The following ALCAM variants were observed in gnomAD, a reference collection of about 807,000 sequenced individuals.
ALCAM encodes activated leukocyte cell adhesion molecule.
Under a neutral mutation model 70.9 loss-of-function variants are expected in ALCAM, and 30 were observed. The ratio of observed to expected loss-of-function variants is 0.42; its 90% CI spans 0.32 to 0.57. The LOEUF (loss-of-function observed/expected upper bound fraction) is 0.57, where lower values mean the gene tolerates loss of function less well. ALCAM is among the 20% of genes least tolerant of loss of function. The probability of loss-of-function intolerance (pLI) is 0.11; values close to 1 mark genes in which losing one functional copy is unlikely to be tolerated. For missense variants in ALCAM, 591 were observed against 695.1 expected (o/e 0.85, Z 1.68); for synonymous variants, 249 against 242.5 (o/e 1.03, Z -0.25).
At chr3:105,458,731 G>A (rs1937565611) in intron 1 of ALCAM, among the ~76,000 whole-genome samples, 1 of 152,134 alleles carries the variant, frequency 6.6e-6, no homozygotes, top group Non-Finnish European at 1.5e-5. Context: ...TGCCTTGAGA[G>A]CTCTTCTACC....
chr3:105,548,412 C>A (rs1331486860), intron 11 of ALCAM, among the ~76,000 whole-genome samples: 1 of 151,380 alleles, frequency 6.6e-6, no homozygotes, highest in Non-Finnish European at 1.5e-5. Context: ...TTATTTAAAT[C>A]TTCTGTACTT....
chr3:105,409,651 C>T (rs1288960923), intron 1 of ALCAM, among the ~76,000 whole-genome samples: 1 of 151,874 alleles, frequency 6.6e-6, no homozygotes, highest in African/African-American at 2.4e-5. Flanking sequence ...GAAATCACCA[C>T]TGAACAACTT....
chr3:105,553,528 G>T (rs1031209692), intron 14 of ALCAM, among the ~76,000 whole-genome samples: 2 of 151,730 alleles, frequency 1.3e-5, no homozygotes, highest in Non-Finnish European at 2.9e-5. Flanking sequence ...TTTAAAAAAT[G>T]TAAGAAAGTT....
intron 1 of ALCAM, among the ~76,000 whole-genome samples, chr3:105,490,415 T>C (rs1264729040): frequency 1.3e-5 from 2 of 152,236 alleles, no homozygotes; most frequent in African/African-American, 2.4e-5. Context: ...TCTTAGCCTG[T>C]AGTACTTTTG....
chr3:105,497,657 T>C (rs1938785471), intron 1 of ALCAM, among the ~76,000 whole-genome samples: 1 of 152,156 alleles, frequency 6.6e-6, no homozygotes, highest in African/African-American at 2.4e-5. Flanking sequence ...GAAGATTATA[T>C]CCCAAGTTTG....
chr3:105,478,526 C>G (rs766463251), intron 1 of ALCAM, among the ~76,000 whole-genome samples: 1 of 152,094 alleles, frequency 6.6e-6, no homozygotes, highest in African/African-American at 2.4e-5. Context: ...CATACACATA[C>G]GCAAACACAC....
chr3:105,498,878 A>G (rs1440690568), intron 1 of ALCAM, among the ~76,000 whole-genome samples: 1 of 152,156 alleles, frequency 6.6e-6, no homozygotes, highest in Non-Finnish European at 1.5e-5. Context: ...TGCCTTTAGT[A>G]TTTTTTCTAA....
chr3:105,533,490 T>C (rs1185189717), intron 4 of ALCAM, 113 bp from the exon 5 acceptor site: 4 of 765,194 alleles, frequency 5.2e-6, no homozygotes, highest in Middle Eastern at 3.1e-4. Context: ...TGTTGGAAAA[T>C]AAACGGGTCA....
intron 1 of ALCAM, among the ~76,000 whole-genome samples, chr3:105,459,357 T>C (rs191922847): frequency 2.0e-5 from 3 of 152,276 alleles, no homozygotes; most frequent in Admixed American, 2.0e-4. Context: ...ATAAGTTTAA[T>C]CATGGTGTTT....
intron 1 of ALCAM, among the ~76,000 whole-genome samples, chr3:105,456,678 T>C (rs1021683459): frequency 6.6e-6 from 1 of 152,170 alleles, no homozygotes; most frequent in Non-Finnish European, 1.5e-5. Context: ...AGTTCATAGA[T>C]AGATGTTTTT....
At chr3:105,424,479 C>A (rs1559786900) in intron 1 of ALCAM, among the ~76,000 whole-genome samples, 1 of 151,624 alleles carries the variant, frequency 6.6e-6, no homozygotes, top group Non-Finnish European at 1.5e-5. Flanking sequence ...GTGTTGAAAT[C>A]AGAATGTTTC....
rs552717298 is a variant in ALCAM, at chr3:105,489,033, T to G, written c.74-31034T>G. Among the ~76,000 whole-genome samples, 6 of 152,260 alleles carry G rather than the reference T, an allele frequency of 3.9e-5. No homozygotes were observed. The South Asian group carries it at 1.2e-3, about 32-fold the overall frequency. ...TTTATCACAAAGATAAAATTTTGGT[T>G]AAGAGTATGTTATACAACAAAGGCA... On this transcript the variant is annotated intron_variant, in intron 1 of 15. Coordinates refer to ENST00000306107, the MANE Select transcript of ALCAM (RefSeq NM_001627.4).
At chr3:105,369,424 A>G (rs1935167190) in intron 1 of ALCAM, among the ~76,000 whole-genome samples, 2 of 152,166 alleles carry the variant, frequency 1.3e-5, no homozygotes, top group African/African-American at 4.8e-5. Context: ...GCCACCGTGA[A>G]TCTGAGGATC....
intron 14 of ALCAM, among the ~76,000 whole-genome samples, chr3:105,561,008 T>A (rs558845803): frequency 6.6e-6 from 1 of 152,298 alleles, no homozygotes; most frequent in Non-Finnish European, 1.5e-5. Context: ...TTACTAATAT[T>A]TGGTCTTCAA....
intron 1 of ALCAM, among the ~76,000 whole-genome samples, chr3:105,397,497 C>T (rs1439616840): frequency 2.0e-5 from 3 of 151,550 alleles, no homozygotes; most frequent in Non-Finnish European, 4.4e-5. Flanking sequence ...TAGATTTAAA[C>T]ATATCAATTT....
At chr3:105,552,372 C>T (rs1026777563) in intron 13 of ALCAM, 96 bp from the exon 14 acceptor site, 3 of 1,383,746 alleles carry the variant, frequency 2.2e-6, no homozygotes, top group Non-Finnish European at 3.1e-6. Flanking sequence ...CTGTAGTGAG[C>T]TTTAGTCATT....
At chr3:105,455,164 G>A (rs1354495853) in intron 1 of ALCAM, among the ~76,000 whole-genome samples, 1 of 151,890 alleles carries the variant, frequency 6.6e-6, no homozygotes, top group African/African-American at 2.4e-5. Context: ...ACATTTGGCC[G>A]GGCACGGTGG....
chr3:105,494,834 G>A (rs55820772), intron 1 of ALCAM, among the ~76,000 whole-genome samples: 2,128 of 151,886 alleles, frequency 0.014, 41 homozygotes, highest in African/African-American at 0.047. Context: ...TAATCTTTTC[G>A]TTTTTTTGTA....
intron 1 of ALCAM, among the ~76,000 whole-genome samples, chr3:105,470,572 A>T (rs1937898385): frequency 6.6e-6 from 1 of 151,296 alleles, no homozygotes; most frequent in South Asian, 2.1e-4. Flanking sequence ...AAGTAGGATT[A>T]ACTATCATTC....
Sources: gnomAD v4.1 joint callset for allele counts (sites outside exome capture counted in the v4.1 genomes callset) on GRCh38, gnomAD v4.1.1 for gene constraint, MANE v1.5 for transcripts, NCBI Gene and HGNC (gene_info 2026-07-23, HGNC 2026-07-21) for gene names.